The following AFAP1L2 variants were observed in gnomAD, a reference collection of about 807,000 sequenced individuals.
The protein encoded by AFAP1L2 is actin filament-associated protein 1-like 2.
Under a neutral mutation model 99.3 loss-of-function variants are expected in AFAP1L2, and 46 were observed. The observed-to-expected ratio is 0.46, with a 90% CI of 0.37 to 0.59. AFAP1L2 has a LOEUF of 0.59. AFAP1L2 is among the 20% of genes least tolerant of loss of function. The pLI, the probability that AFAP1L2 is intolerant of heterozygous loss-of-function variation, is 0.00. For missense variants in AFAP1L2, 959 were observed against 1,034.9 expected, an observed-to-expected ratio of 0.93 and a Z score of 1.01; for synonymous variants, 397 against 419.1, an observed-to-expected ratio of 0.95 and a Z score of 0.64.
chr10:114,397,814 G>A (rs2057871881), intron 1 of AFAP1L2, among the ~76,000 whole-genome samples: 1 of 152,180 alleles, frequency 6.6e-6, no homozygotes, highest in African/African-American at 2.4e-5. Context: ...TTTGCAGTGT[G>A]CTGGGGCTGA....
At chr10:114,394,041 G>A (rs553422986) in intron 1 of AFAP1L2, among the ~76,000 whole-genome samples, 12 of 152,290 alleles carry the variant, frequency 7.9e-5, no homozygotes, top group African/African-American at 2.9e-4. Context: ...ACCCCTTGGT[G>A]GTCAGCGAGT....
chr10:114,349,394 AAAAAAAAAAG>A (rs2050100592), intron 1 of AFAP1L2, among the ~76,000 whole-genome samples: 1 of 149,082 alleles, frequency 6.7e-6, no homozygotes, highest in African/African-American at 2.4e-5. Context: ...AAAAAAAAAA[AAAAAAAAAAG>A]AAAAGAAAAG....
intron 6 of AFAP1L2, among the ~76,000 whole-genome samples, chr10:114,315,273 C>T (rs573403109): frequency 6.9e-6 from 1 of 144,882 alleles, no homozygotes; most frequent in South Asian, 2.5e-4. Context: ...AAAGATGTAT[C>T]TGTCTCACAA....
intron 4 of AFAP1L2, among the ~76,000 whole-genome samples, chr10:114,327,149 A>ATTTT (rs1177376973): frequency 8.8e-5 from 1 of 11,316 alleles, no homozygotes; most frequent in Non-Finnish European, 1.8e-4. Flanking sequence ...ATATATATTT[A>ATTTT]TATATATATA....
intron 18 of AFAP1L2, chr10:114,296,738 T>C (rs1165249527): frequency 3.9e-6 from 2 of 514,626 alleles, no homozygotes; most frequent in African/African-American, 1.9e-5. Flanking sequence ...GGGCAAGAAC[T>C]GAAGCATCCC....
In AFAP1L2 at chr10:114,341,545, G is replaced by A. The variant is rs190264009; in HGVS notation, c.17-814C>T. Among the ~76,000 whole-genome samples, 874 of 151,702 alleles carry A rather than the reference G, an allele frequency of 5.8e-3. 3 individuals carry two copies. Among genetic ancestry groups the A allele is most frequent in the Non-Finnish European group, 8.4e-3 (573 of 67,914 alleles). ...GGAGAATCGCTTGAACCCGGGAGGC[G>A]GAGGTTGCAGTGAGCTGAGATCACA... is the stretch of plus-strand genomic sequence containing the variant. On this transcript the variant is annotated intron_variant, in intron 1 of 18. Transcript: ENST00000304129.
intron 18 of AFAP1L2, chr10:114,296,771 C>T (rs1016200575): frequency 1.4e-5 from 10 of 705,044 alleles, no homozygotes; most frequent in African/African-American, 5.4e-5. Flanking sequence ...GAAGGATGCT[C>T]GAACCAAGTG....
In AFAP1L2 at chr10:114,333,309, G is replaced by T; in HGVS notation, c.146-14C>A. 1 of 1,609,236 alleles carries T rather than the reference G, an allele frequency of 6.2e-7. No homozygotes were observed. Among genetic ancestry groups the T allele is most frequent in the Non-Finnish European group, 8.5e-7 (1 of 1,175,618 alleles). ...CCTCATCAGAGCCTGCAGAAGGAAGGAGACACAGGCTTTGTGTGACTTCCT... is the reference window on the plus strand; with the variant it reads ...CCTCATCAGAGCCTGCAGAAGGAAGTAGACACAGGCTTTGTGTGACTTCCT... On this transcript the variant is annotated splice_polypyrimidine_tract_variant and intron_variant, in intron 2 of 18. Transcript: ENST00000304129.
At chr10:114,325,932 T>C (rs1173463554) in intron 4 of AFAP1L2, 2 of 1,289,358 alleles carry the variant, frequency 1.6e-6, no homozygotes, top group Admixed American at 4.6e-5. Flanking sequence ...ATCAGCCTGA[T>C]CTGGCTGGGC....
chr10:114,353,719 T>C (rs2050888080), intron 1 of AFAP1L2, among the ~76,000 whole-genome samples: 1 of 152,070 alleles, frequency 6.6e-6, no homozygotes, highest in Admixed American at 6.6e-5. Context: ...GACAGCAAAG[T>C]GTGGGAAAAG....
Position 114,295,164 on chromosome 10 carries a change from C to A in AFAP1L2, c.*878G>T. 1.0e-6 allele frequency: 1 copy of A among 985,666 alleles called. No homozygotes were observed. The highest frequency in any genetic ancestry group is 1.2e-6 in the Non-Finnish European group (1 of 829,810). The allele number at this position is 985,666 out of a possible 1,614,324, so 61.1% of individuals were successfully genotyped here. On this transcript the variant is annotated 3_prime_UTR_variant, in exon 19 of 19. Transcript: ENST00000304129. ...ATGAACATTAAACAGAACTTAAAAT[C>A]AGAGACTATTTATATTAAATAACTC... is the stretch of plus-strand genomic sequence containing the variant.
intron 1 of AFAP1L2, among the ~76,000 whole-genome samples, chr10:114,344,626 G>A (rs1340977912): frequency 6.6e-6 from 1 of 152,188 alleles, no homozygotes; most frequent in Non-Finnish European, 1.5e-5. Context: ...GGGGTCCTCA[G>A]CCCTTCCAGA....
chr10:114,356,518 T>A lies in AFAP1L2; in HGVS notation c.17-15787A>T, dbSNP rs145298358. Among the ~76,000 whole-genome samples, 1,352 of 152,364 alleles carry A rather than the reference T, an allele frequency of 8.9e-3. 25 individuals carry two copies. Among genetic ancestry groups the A allele is most frequent in the African/African-American group, 0.031 (1,272 of 41,586 alleles). On this transcript the variant is annotated intron_variant, in intron 1 of 18. Transcript: ENST00000304129. ...TAAAATTAACTTCATCTATTTTTCA[T>A]GTTTAAAAATGTTAAATGTAATTTA...
At chr10:114,323,082 G>A (rs2045632026) in intron 5 of AFAP1L2, 89 bp downstream of exon 5, 5 of 1,202,790 alleles carry the variant, frequency 4.2e-6, no homozygotes, top group Non-Finnish European at 4.7e-6. Flanking sequence ...CCCAGGATGA[G>A]TGTATCTGTT....
chr10:114,334,836 C>A (rs1165854981), intron 2 of AFAP1L2, among the ~76,000 whole-genome samples: 1 of 152,244 alleles, frequency 6.6e-6, no homozygotes, highest in African/African-American at 2.4e-5. Context: ...GGGGTCTCAA[C>A]CAAAGCTTTG....
the AFAP1L2 span, chr10:114,285,931 C>T: frequency 1.9e-6 from 3 of 1,575,290 alleles, no homozygotes; most frequent in Non-Finnish European, 2.6e-6. Flanking sequence ...TTGCTGTGAT[C>T]CCCGCAGCCC....
chr10:114,316,077 C>T (rs1378852590), intron 5 of AFAP1L2, among the ~76,000 whole-genome samples: 1 of 152,264 alleles, frequency 6.6e-6, no homozygotes, highest in African/African-American at 2.4e-5. Flanking sequence ...AAGACACTGC[C>T]CCACAGACCA....
chr10:114,385,845 T>G (rs959778093), intron 1 of AFAP1L2, among the ~76,000 whole-genome samples: 4 of 152,174 alleles, frequency 2.6e-5, no homozygotes, highest in African/African-American at 7.2e-5. Context: ...CTTTTCTTAT[T>G]GGAACCCTTC....
chr10:114,343,726 AGTTGCCCT>A (rs1419776747), intron 1 of AFAP1L2, among the ~76,000 whole-genome samples: 1 of 152,178 alleles, frequency 6.6e-6, no homozygotes, highest in Non-Finnish European at 1.5e-5. Flanking sequence ...ACCTGGCAAA[AGTTGCCCT>A]GTTGCCCTTG....
Sources: gnomAD v4.1 joint callset for allele counts (sites outside exome capture counted in the v4.1 genomes callset) on GRCh38, gnomAD v4.1.1 for gene constraint, MANE v1.5 for transcripts, NCBI Gene and HGNC (gene_info 2026-07-23, HGNC 2026-07-21) for gene names.